Variants in PPARGC1A observed in about 807,000 individuals in gnomAD.
PPARGC1A encodes PPARG coactivator 1 alpha.
In PPARGC1A, 25 loss-of-function variants were observed where a neutral mutation model predicts 88.7. That is an observed-to-expected ratio of 0.28 (90% CI 0.21 to 0.39). The LOEUF is 0.39. Among genes scored for constraint, PPARGC1A ranks in the 10% least tolerant of loss-of-function variants. PPARGC1A has a pLI of 1.00. For synonymous variants in PPARGC1A, 363 were observed against 355.6 expected, an observed-to-expected ratio of 1.02 and a Z score of -0.24; for missense variants, 880 against 968.7, an observed-to-expected ratio of 0.91 and a Z score of 1.22.
At chr4:23,959,198 G>T in the PPARGC1A span, among the ~76,000 whole-genome samples, 1 of 152,052 alleles carries the variant, frequency 6.6e-6, no homozygotes, top group Non-Finnish European at 1.5e-5. Context: ...CCCACCATAT[G>T]GTGCTCCTCA....
chr4:24,393,552 T>C, the PPARGC1A span, among the ~76,000 whole-genome samples: 1 of 152,222 alleles, frequency 6.6e-6, no homozygotes, highest in Non-Finnish European at 1.5e-5. Context: ...ACTAGAGGGA[T>C]CAGGGAAGAC....
chr4:24,214,680 T>C, the PPARGC1A span, among the ~76,000 whole-genome samples: 2 of 152,076 alleles, frequency 1.3e-5, no homozygotes, highest in East Asian at 3.9e-4. Flanking sequence ...ATGCTGTCTG[T>C]GGTGTGTCGA....
At chr4:23,830,241 A>G (rs1304682121) in intron 3 of PPARGC1A, among the ~76,000 whole-genome samples, 2 of 152,232 alleles carry the variant, frequency 1.3e-5, no homozygotes. Context: ...TGATTTTAGA[A>G]AAGAAAAAAA....
At chr4:24,331,873 C>G in the PPARGC1A span, among the ~76,000 whole-genome samples, 1 of 151,746 alleles carries the variant, frequency 6.6e-6, no homozygotes, top group East Asian at 1.9e-4. Context: ...CCTGTCAACC[C>G]ATCATATAGG....
the PPARGC1A span, among the ~76,000 whole-genome samples, chr4:24,045,781 T>G: frequency 6.6e-6 from 1 of 152,166 alleles, no homozygotes; most frequent in African/African-American, 2.4e-5. Context: ...TACTGAGAGT[T>G]AAAGCTTCAT....
chr4:24,387,838 A>AAGAGAGAGAGAG, the PPARGC1A span, among the ~76,000 whole-genome samples: 1 of 72,428 alleles, frequency 1.4e-5, no homozygotes, highest in African/African-American at 3.9e-5. Context: ...GAAAGAGAGA[A>AAGAGAGAGAGAG]AGAGAGAGAG....
chr4:23,931,364 T>C, the PPARGC1A span, among the ~76,000 whole-genome samples: 20 of 151,912 alleles, frequency 1.3e-4, no homozygotes, highest in Non-Finnish European at 5.9e-5. Flanking sequence ...AGGAAAGTTA[T>C]TACCTCTGGG....
the PPARGC1A span, among the ~76,000 whole-genome samples, chr4:24,104,614 A>C: frequency 6.6e-6 from 1 of 152,102 alleles, no homozygotes; most frequent in Non-Finnish European, 1.5e-5. Context: ...TCAGAGAGAG[A>C]GCTGACATCT....
chr4:24,448,162 AT>A, the PPARGC1A span, among the ~76,000 whole-genome samples: 1 of 152,180 alleles, frequency 6.6e-6, no homozygotes. Context: ...TGAATGTATC[AT>A]TGCTCCACAC....
chr4:23,920,969 C>G, the PPARGC1A span, among the ~76,000 whole-genome samples: 1 of 152,132 alleles, frequency 6.6e-6, no homozygotes, highest in Non-Finnish European at 1.5e-5. Flanking sequence ...GTCCAGTAAA[C>G]AGCAAGGAGG....
the PPARGC1A span, among the ~76,000 whole-genome samples, chr4:24,056,553 G>A: frequency 9.9e-5 from 15 of 152,236 alleles, no homozygotes; most frequent in Admixed American, 8.5e-4. Flanking sequence ...GATCTGTGTC[G>A]ATATGGCCAG....
At chr4:24,067,934 A>C in the PPARGC1A span, among the ~76,000 whole-genome samples, 1 of 152,170 alleles carries the variant, frequency 6.6e-6, no homozygotes, top group South Asian at 2.1e-4. Flanking sequence ...TTACTTGGTG[A>C]CTCATTCCCC....
chr4:23,921,422 G>A, the PPARGC1A span, among the ~76,000 whole-genome samples: 150 of 152,340 alleles, frequency 9.8e-4, 1 homozygote, highest in Middle Eastern at 3.4e-3. Context: ...TTCTTCCAGC[G>A]TCTCCAGTTC....
At chr4:24,424,064 G>A in the PPARGC1A span, among the ~76,000 whole-genome samples, 2 of 152,104 alleles carry the variant, frequency 1.3e-5, no homozygotes, top group East Asian at 3.9e-4. Flanking sequence ...GAAAACTTGG[G>A]GGAAACTTTT....
the PPARGC1A span, among the ~76,000 whole-genome samples, chr4:23,937,546 A>T: frequency 6.6e-6 from 1 of 152,228 alleles, no homozygotes; most frequent in South Asian, 2.1e-4. Flanking sequence ...AAAATAAAAT[A>T]AAAATAACCC....
At chr4:23,811,251 T>C (rs1720837778) in intron 10 of PPARGC1A, among the ~76,000 whole-genome samples, 1 of 152,200 alleles carries the variant, frequency 6.6e-6, no homozygotes, top group Non-Finnish European at 1.5e-5. Flanking sequence ...TAGTCAGCTC[T>C]TTTATATAGC....
Position 23,889,848 on chromosome 4 carries a change from A to T in PPARGC1A, c.54+56T>A. 5.0e-6 allele frequency: 8 copies of T among 1,593,846 alleles called. No individual in the cohort carries two copies. In the South Asian group the frequency reaches 9.1e-5, roughly 18 times the overall value. On this transcript the variant is annotated intron_variant, in intron 1 of 12. Transcript: ENST00000264867. ...GCCCATCCCCCCTTACAGGAATAAT[A>T]GCATCTGAGGGAAGCGTCAGTTGTG...
chr4:24,086,741 TAATA>T, the PPARGC1A span, among the ~76,000 whole-genome samples: 3 of 152,154 alleles, frequency 2.0e-5, no homozygotes, highest in Admixed American at 6.5e-5. Flanking sequence ...ATTAAGTAGG[TAATA>T]GATAGATAAT....
At chr4:23,901,354 A>G (rs1719332867), upstream of PPARGC1A, among the ~76,000 whole-genome samples, 2 of 146,972 alleles carry the variant, frequency 1.4e-5, no homozygotes, top group South Asian at 4.4e-4. Context: ...TAGGCGACAC[A>G]GCAAGACTCC....
Sources: allele counts gnomAD v4.1 joint callset (sites outside exome capture counted in the v4.1 genomes callset), GRCh38; gene constraint gnomAD v4.1.1; transcripts MANE v1.5; gene names NCBI Gene and HGNC (gene_info 2026-07-23, HGNC 2026-07-21).